SLC39A11: variants seen among roughly 807,000 people sequenced by gnomAD.
SLC39A11 encodes solute carrier family 39 member 11, also known as zinc transporter ZIP11.
A neutral mutation model predicts 36.1 loss-of-function variants in SLC39A11; 33 were observed. The observed-to-expected ratio is 0.91, with a 90% CI of 0.69 to 1.22. SLC39A11 has a LOEUF of 1.22. Ranked by LOEUF, SLC39A11 falls within the 50% of genes most tolerant of loss-of-function variation. SLC39A11 has a pLI of 0.00. For missense variants in SLC39A11, 432 were observed against 430.3 expected, an observed-to-expected ratio of 1.00 and a Z score of -0.03; for synonymous variants, 166 against 170.3, an observed-to-expected ratio of 0.97 and a Z score of 0.20.
chr17:72,807,840 G>A (rs757891548), intron 6 of SLC39A11, among the ~76,000 whole-genome samples: 1 of 152,144 alleles, frequency 6.6e-6, no homozygotes, highest in Non-Finnish European at 1.5e-5. Flanking sequence ...TGAACCCGAC[G>A]AGGGGGTCGT....
chr17:72,859,468 G>A (rs980395386), intron 5 of SLC39A11, among the ~76,000 whole-genome samples: 1 of 152,044 alleles, frequency 6.6e-6, no homozygotes, highest in African/African-American at 2.4e-5. Context: ...GCCCCTGAGG[G>A]GCTCAAGGGG....
intron 4 of SLC39A11, among the ~76,000 whole-genome samples, chr17:73,020,776 G>A (rs1480657309): frequency 7.2e-6 from 1 of 138,720 alleles, no homozygotes; most frequent in African/African-American, 2.6e-5. Context: ...TCCGCCTCCT[G>A]GGTTCAAGCA....
At chr17:72,758,880 G>T (rs2075461928) in intron 6 of SLC39A11, among the ~76,000 whole-genome samples, 1 of 152,188 alleles carries the variant, frequency 6.6e-6, no homozygotes. Flanking sequence ...ACCCATGGAT[G>T]ACAGCAATTA....
At chr17:72,960,978 A>C (rs2086573137) in intron 4 of SLC39A11, among the ~76,000 whole-genome samples, 2 of 152,228 alleles carry the variant, frequency 1.3e-5, no homozygotes, top group East Asian at 3.9e-4. Context: ...CATTTTTCAT[A>C]GCTTTGGCAA....
chr17:72,902,442 T>C (rs2146959439), intron 5 of SLC39A11, among the ~76,000 whole-genome samples: 1 of 96,394 alleles, frequency 1.0e-5, no homozygotes, highest in African/African-American at 5.2e-5. Flanking sequence ...CCTTGAGCCT[T>C]CAGAGGGAGC....
At chr17:72,755,485 C>T (rs750337123) in intron 6 of SLC39A11, among the ~76,000 whole-genome samples, 3 of 152,154 alleles carry the variant, frequency 2.0e-5, no homozygotes, top group South Asian at 2.1e-4. Context: ...CCATAGACAC[C>T]GGCAACAGGT....
rs540888003 is a variant in SLC39A11 at position 72,767,815 on chromosome 17, TTACAAAGAAAGACCTGCTG to T, written c.602-31115_602-31097del. On this transcript the variant is annotated intron_variant, in intron 6 of 9. Transcript: ENST00000255559. ...TGACCATGCTGTAACCACCCAGGGG[TTACAAAGAAAGACCTGCTG>T]TACAAAGAAAGACCAAAGCATTGGA... Among the ~76,000 whole-genome samples, 15 of 152,056 alleles carry T rather than the reference TTACAAAGAAAGACCTGCTG, an allele frequency of 9.9e-5. No homozygotes were observed. The East Asian group carries it at 1.5e-3, about 16-fold the overall frequency.
chr17:72,759,038 T>C (rs1437399305), intron 6 of SLC39A11, among the ~76,000 whole-genome samples: 2 of 151,518 alleles, frequency 1.3e-5, no homozygotes, highest in Admixed American at 6.6e-5. Context: ...GAGGCGGAGG[T>C]TGCAGTGAGC....
intron 5 of SLC39A11, among the ~76,000 whole-genome samples, chr17:72,900,020 AAGAGAGAGAGAGAGAAAG>A (rs1205208153): frequency 7.3e-6 from 1 of 136,262 alleles, no homozygotes; most frequent in Non-Finnish European, 1.6e-5. Context: ...GAGAGAGAGA[AAGAGAGAGAGAGAGAAAG>A]AGAGAGAGAA....
intron 5 of SLC39A11, among the ~76,000 whole-genome samples, chr17:72,874,283 T>C (rs1161430175): frequency 6.6e-6 from 1 of 152,122 alleles, no homozygotes; most frequent in Non-Finnish European, 1.5e-5. Flanking sequence ...GCATAAATGA[T>C]TTTTGCTCCA....
intron 7 of SLC39A11, among the ~76,000 whole-genome samples, chr17:72,708,312 G>A (rs189306511): frequency 5.9e-5 from 9 of 152,202 alleles, no homozygotes; most frequent in Admixed American, 5.2e-4. Flanking sequence ...GGCTTGAATA[G>A]AACAAAAAGA....
intron 7 of SLC39A11, among the ~76,000 whole-genome samples, chr17:72,732,462 G>A (rs1246620129): frequency 2.0e-5 from 3 of 152,060 alleles, no homozygotes; most frequent in South Asian, 2.1e-4. Context: ...AGTCTCCTTC[G>A]TCTTCTCTGG....
At chr17:73,036,181 G>A (rs2058908738) in intron 3 of SLC39A11, among the ~76,000 whole-genome samples, 1 of 152,154 alleles carries the variant, frequency 6.6e-6, no homozygotes, top group Admixed American at 6.5e-5. Context: ...TACATTCATG[G>A]TAGTTTGTTA....
intron 4 of SLC39A11, among the ~76,000 whole-genome samples, chr17:72,967,399 A>AGAGAGAGAGAGAGAGTGT (rs143987646): frequency 1.7e-4 from 24 of 138,198 alleles, no homozygotes; most frequent in African/African-American, 3.1e-4. Context: ...AGAGAGAGAG[A>AGAGAGAGAGAGAGAGTGT]GTGTGTGTGT....
At chr17:72,989,254 C>T (rs2088988417) in intron 4 of SLC39A11, among the ~76,000 whole-genome samples, 1 of 152,218 alleles carries the variant, frequency 6.6e-6, no homozygotes, top group South Asian at 2.1e-4. Context: ...CCAGAGGCTG[C>T]AGTCCCACAG....
intron 7 of SLC39A11, among the ~76,000 whole-genome samples, chr17:72,699,160 C>G (rs1846939654): frequency 6.6e-6 from 1 of 152,130 alleles, no homozygotes. Context: ...GGACCGAAAT[C>G]ACTCTAGACC....
At chr17:72,912,627 G>C (rs1193272549) in intron 5 of SLC39A11, among the ~76,000 whole-genome samples, 1 of 151,938 alleles carries the variant, frequency 6.6e-6, no homozygotes, top group Non-Finnish European at 1.5e-5. Context: ...GATCCTTAAT[G>C]GTGGCAACTT....
chr17:73,088,705 C>A lies in SLC39A11; in HGVS notation c.60G>T (p.Gly20=), dbSNP rs146208211. The change falls in exon 2 of 10, where the codon GGG becomes GGT. Residue 20 remains glycine, a synonymous_variant. Transcript: ENST00000255559. ...CGAGAGCTGCCCCAGCTGCTGTCATCCCCCAGGTGAAGAAGGTCCCCAGCA... is the reference window on the plus strand; with the variant it reads ...CGAGAGCTGCCCCAGCTGCTGTCATACCCCAGGTGAAGAAGGTCCCCAGCA... ...QALLGTFFTW[G]MTAAGAALVF... 1.2e-6 allele frequency: 2 copies of A among 1,612,590 alleles called. No homozygotes were observed.
At chr17:73,029,074 C>T (rs979378769) in intron 4 of SLC39A11, among the ~76,000 whole-genome samples, 40 of 149,406 alleles carry the variant, frequency 2.7e-4, no homozygotes, top group Admixed American at 8.1e-4. Flanking sequence ...GCCAAGATCA[C>T]GCCATTGCAC....
Sources: gnomAD v4.1 joint callset for allele counts (sites outside exome capture counted in the v4.1 genomes callset) on GRCh38, gnomAD v4.1.1 for gene constraint, MANE v1.5 for transcripts, NCBI Gene and HGNC (gene_info 2026-07-23, HGNC 2026-07-21) for gene names.